The following CRIM1 variants were observed in gnomAD, a reference collection of about 807,000 sequenced individuals.
The protein encoded by CRIM1 is cysteine rich transmembrane BMP regulator 1.
CRIM1 carries 32 observed loss-of-function variants against 116.4 expected under a neutral mutation model. That is an observed-to-expected ratio of 0.27 (90% CI 0.21 to 0.37). CRIM1 has a LOEUF of 0.37. Ranked by LOEUF, CRIM1 falls within the 10% of genes least tolerant of loss-of-function variation. The pLI, the probability that CRIM1 is intolerant of heterozygous loss-of-function variation, is 1.00. For synonymous variants in CRIM1, 590 were observed against 509.2 expected (o/e 1.16, Z -2.13); for missense variants, 1,331 against 1,354.8 (o/e 0.98, Z 0.28).
At chr2:36,482,914 A>G (rs940112016) in intron 7 of CRIM1, among the ~76,000 whole-genome samples, 1 of 152,210 alleles carries the variant, frequency 6.6e-6, no homozygotes, top group Non-Finnish European at 1.5e-5. Flanking sequence ...AAATGACAAG[A>G]TAATGTGTCT....
At chr2:36,480,840 C>G (rs1290136290) in intron 7 of CRIM1, among the ~76,000 whole-genome samples, 1 of 152,120 alleles carries the variant, frequency 6.6e-6, no homozygotes, top group Admixed American at 6.6e-5. Flanking sequence ...AAGTCACCCA[C>G]CCCTGCATGT....
intron 1 of CRIM1, among the ~76,000 whole-genome samples, chr2:36,393,193 C>CG (rs904972777): frequency 3.9e-5 from 6 of 152,210 alleles, no homozygotes; most frequent in East Asian, 1.9e-4. Context: ...TAGAGCTGAA[C>CG]GGGGGGAAGA....
At position 36,548,679 on chromosome 2, in the gene CRIM1, A is replaced by T. The variant is rs764698768; in HGVS notation, c.3089A>T (p.Asp1030Val). The change falls in exon 17 of 17, where the codon GAC (aspartate) becomes GTC (valine). Residue 1030 changes from aspartate (D) to valine (V), a missense_variant. By Grantham distance (152) the Asp-to-Val change is radical. This residue lies in a region of CRIM1 where 283 missense variants were observed against 242.8 expected (regional missense o/e 1.17). Coordinates refer to ENST00000280527, the MANE Select transcript of CRIM1 (RefSeq NM_016441.3). ...CAAAAACAGAACCATCTACAGGCAG[A>T]CAATTTCTACCAAACAGTGTGAAGA... ...SMQKQNHLQA[D>V]NFYQTV 4 of 1,597,214 alleles carry T rather than the reference A, an allele frequency of 2.5e-6. No homozygotes were observed. Among genetic ancestry groups the T allele is most frequent in the Non-Finnish European group, 3.4e-6 (4 of 1,174,966 alleles).
intron 12 of CRIM1, 103 bp from the exon 13 acceptor site, chr2:36,521,989 G>T (rs1011013988): frequency 9.3e-6 from 8 of 860,244 alleles, no homozygotes; most frequent in East Asian, 2.4e-5. Context: ...ATTTAAGGAG[G>T]CACCGAAAGC....
intron 7 of CRIM1, among the ~76,000 whole-genome samples, chr2:36,486,490 C>T (rs1035713079): frequency 2.6e-5 from 4 of 152,082 alleles, no homozygotes; most frequent in Non-Finnish European, 5.9e-5. Flanking sequence ...TGCTAGATGA[C>T]CAAACTGATC....
At chr2:36,433,234 AAG>A (rs1675035690) in intron 2 of CRIM1, among the ~76,000 whole-genome samples, 1 of 152,170 alleles carries the variant, frequency 6.6e-6, no homozygotes, top group Non-Finnish European at 1.5e-5. Flanking sequence ...GCAAGCTCCC[AAG>A]CTCCCAGGTG....
At chr2:36,530,153 G>T (rs1431452912) in intron 13 of CRIM1, among the ~76,000 whole-genome samples, 1 of 152,178 alleles carries the variant, frequency 6.6e-6, no homozygotes, top group Non-Finnish European at 1.5e-5. Context: ...CAGAATGACT[G>T]TGTATTAGAT....
chr2:36,438,381 C>T (rs1486391667), intron 2 of CRIM1, among the ~76,000 whole-genome samples: 1 of 152,116 alleles, frequency 6.6e-6, no homozygotes, highest in East Asian at 1.9e-4. Context: ...ATGTGTTTGC[C>T]AGATAAGCAG....
chr2:36,415,258 G>A (rs1673522933), intron 2 of CRIM1, among the ~76,000 whole-genome samples: 1 of 152,146 alleles, frequency 6.6e-6, no homozygotes. Context: ...AAAATTACCT[G>A]CTTGAGAAAC....
intron 1 of CRIM1, among the ~76,000 whole-genome samples, chr2:36,387,405 GT>G (rs1671246983): frequency 6.6e-6 from 1 of 152,210 alleles, no homozygotes; most frequent in South Asian, 2.1e-4. Context: ...TAAACATGCA[GT>G]TACATTTTTT....
chr2:36,455,985 ATCCAAGTGGATGCATGCTTAAAG>A (rs1322135881), intron 4 of CRIM1, among the ~76,000 whole-genome samples: 4 of 152,146 alleles, frequency 2.6e-5, no homozygotes, highest in Non-Finnish European at 5.9e-5. Flanking sequence ...GCCCAAAGGA[ATCCAAGTGGATGCATGCTTAAAG>A]TCATCTGTTT....
chr2:36,406,790 C>A (rs1056959197), intron 2 of CRIM1, among the ~76,000 whole-genome samples: 7 of 152,200 alleles, frequency 4.6e-5, no homozygotes, highest in Non-Finnish European at 7.3e-5. Context: ...ATCAAACTTA[C>A]TCATCATAGA....
chr2:36,398,540 G>A (rs1049400472), intron 2 of CRIM1, among the ~76,000 whole-genome samples: 1 of 152,216 alleles, frequency 6.6e-6, no homozygotes, highest in East Asian at 1.9e-4. Context: ...AAGGCTGTTT[G>A]TGAGATCCAG....
At chr2:36,466,554 G>A (rs568291809) in intron 5 of CRIM1, among the ~76,000 whole-genome samples, 1 of 152,306 alleles carries the variant, frequency 6.6e-6, no homozygotes, top group Admixed American at 6.5e-5. Context: ...GCTTCATCCA[G>A]TGCTCATCAC....
intron 2 of CRIM1, among the ~76,000 whole-genome samples, chr2:36,402,656 C>A (rs564638432): frequency 6.6e-6 from 1 of 150,996 alleles, no homozygotes; most frequent in African/African-American, 2.4e-5. Context: ...GGTAGGGGTT[C>A]TTTTAGTAGT....
intron 13 of CRIM1, among the ~76,000 whole-genome samples, chr2:36,522,630 C>T (rs749905414): frequency 2.0e-5 from 3 of 151,766 alleles, no homozygotes; most frequent in Non-Finnish European, 4.4e-5. Context: ...GATGAAACCC[C>T]GTCTCTACCA....
chr2:36,442,514 A>G (rs1675927008), intron 3 of CRIM1, 101 bp from the exon 4 acceptor site: 5 of 1,434,380 alleles, frequency 3.5e-6, no homozygotes, highest in Non-Finnish European at 4.9e-6. Flanking sequence ...TGTGGAAGCA[A>G]GGAGACTTTG....
chr2:36,548,551 A>C lies in CRIM1; in HGVS notation c.2961A>C (p.Val987=). ...CTTCTTCCTTAAATAATCAGCTAGTATCTGTGGACTGCAAGAAAGGAACCA... is the reference window on the plus strand; with the variant it reads ...CTTCTTCCTTAAATAATCAGCTAGTCTCTGTGGACTGCAAGAAAGGAACCA... ...TKPSSLNNQL[V]SVDCKKGTRV... is the part of the protein sequence containing the mutation. Residue 987 remains valine (V), a synonymous_variant, in exon 17 of 17, where the codon GTA becomes GTC. Transcript: ENST00000280527. The C allele has an allele frequency of 6.3e-7, 1 of 1,591,874 alleles. No homozygotes were observed. Among genetic ancestry groups the C allele is most frequent in the Middle Eastern group, 1.7e-4 (1 of 5,910 alleles).
intron 12 of CRIM1, among the ~76,000 whole-genome samples, chr2:36,520,119 C>G (rs1276988290): frequency 6.6e-6 from 1 of 152,192 alleles, no homozygotes; most frequent in African/African-American, 2.4e-5. Flanking sequence ...AGCCTCCTGC[C>G]TGGTGGAAGG....
Sources: gnomAD v4.1 joint callset for allele counts (sites outside exome capture counted in the v4.1 genomes callset) on GRCh38, gnomAD v4.1.1 for gene constraint, gnomAD v4.1.1 regional missense constraint, MANE v1.5 for transcripts, NCBI Gene and HGNC (gene_info 2026-07-23, HGNC 2026-07-21) for gene names.